ASIC2: variants seen among roughly 807,000 people sequenced by gnomAD.
ASIC2 encodes the protein acid sensing ion channel subunit 2.
Under a neutral mutation model 57.3 loss-of-function variants are expected in ASIC2, and 25 were observed. That is an observed-to-expected ratio of 0.44 (90% CI 0.32 to 0.61). ASIC2 has a LOEUF of 0.61. ASIC2 is among the 20% of genes least tolerant of loss of function. ASIC2 has a pLI of 0.06. For synonymous variants in ASIC2, 319 were observed against 307.5 expected (o/e 1.04, Z -0.39); for missense variants, 641 against 738.1 (o/e 0.87, Z 1.52).
intron 1 of ASIC2, among the ~76,000 whole-genome samples, chr17:33,960,414 C>T (rs926433761): frequency 2.0e-5 from 3 of 152,188 alleles, no homozygotes; most frequent in Non-Finnish European, 4.4e-5. Context: ...AGAATCCTGA[C>T]TAATGTACAT....
chr17:33,317,393 A>G (rs1330485679), intron 1 of ASIC2, among the ~76,000 whole-genome samples: 1 of 152,194 alleles, frequency 6.6e-6, no homozygotes, highest in Non-Finnish European at 1.5e-5. Context: ...CTCCTGTGCC[A>G]TTCTTCATTG....
chr17:33,422,516 C>G (rs144452565), intron 1 of ASIC2, among the ~76,000 whole-genome samples: 25 of 152,160 alleles, frequency 1.6e-4, no homozygotes, highest in East Asian at 5.8e-4. Context: ...GCAATGCCAT[C>G]GTAGAGTGAG....
At chr17:33,691,507 T>C (rs2142063898) in intron 1 of ASIC2, among the ~76,000 whole-genome samples, 1 of 152,372 alleles carries the variant, frequency 6.6e-6, no homozygotes, top group East Asian at 1.9e-4. Flanking sequence ...GTAAGAACTA[T>C]CTATATTTTC....
At chr17:33,045,005 A>T (rs879712932) in intron 3 of ASIC2, among the ~76,000 whole-genome samples, 4 of 152,114 alleles carry the variant, frequency 2.6e-5, no homozygotes, top group African/African-American at 4.8e-5. Flanking sequence ...ACAGAGGTAT[A>T]AAGAGGTATA....
intron 1 of ASIC2, among the ~76,000 whole-genome samples, chr17:33,338,585 G>A (rs1437128451): frequency 6.6e-6 from 1 of 152,198 alleles, no homozygotes; most frequent in Non-Finnish European, 1.5e-5. Context: ...TGGCTACAGC[G>A]TGCATTCTCA....
intron 2 of ASIC2, among the ~76,000 whole-genome samples, chr17:33,107,787 C>G (rs2092241187): frequency 6.6e-6 from 1 of 152,186 alleles, no homozygotes; most frequent in African/African-American, 2.4e-5. Flanking sequence ...CCCAAAAGGT[C>G]CTTCCTGTTA....
At chr17:33,884,020 A>G (rs934211709) in intron 1 of ASIC2, among the ~76,000 whole-genome samples, 1 of 152,156 alleles carries the variant, frequency 6.6e-6, no homozygotes, top group Non-Finnish European at 1.5e-5. Context: ...TAGCCACGAG[A>G]CTATATAGAA....
chr17:33,705,570 G>A (rs1035308717), intron 1 of ASIC2, among the ~76,000 whole-genome samples: 4 of 152,180 alleles, frequency 2.6e-5, no homozygotes, highest in East Asian at 1.9e-4. Context: ...AAGGCCATAC[G>A]ATGATGGAGT....
chr17:33,747,841 G>C (rs1365977511), intron 1 of ASIC2, among the ~76,000 whole-genome samples: 1 of 152,186 alleles, frequency 6.6e-6, no homozygotes, highest in African/African-American at 2.4e-5. Flanking sequence ...TCTGATGCCT[G>C]CCTCTGACAG....
intron 1 of ASIC2, among the ~76,000 whole-genome samples, chr17:33,524,852 T>A (rs999332328): frequency 1.3e-5 from 2 of 152,078 alleles, no homozygotes; most frequent in African/African-American, 4.8e-5. Context: ...AGACTACAGG[T>A]GCACATTACA....
intron 1 of ASIC2, among the ~76,000 whole-genome samples, chr17:34,079,371 T>C (rs745704011): frequency 1.3e-5 from 2 of 152,202 alleles, no homozygotes; most frequent in Non-Finnish European, 2.9e-5. Context: ...TTGGGGACTT[T>C]GTCCATGCTG....
rs1036301768 is a variant in ASIC2 at position 34,038,154 on chromosome 17, C to A, written c.555+117824G>T. ...GTACCATTTTCTAAAAGAATATTAC[C>A]TGGTTTGAGGTCATAGTGTATGATG... is the stretch of plus-strand genomic sequence containing the variant. On this transcript the variant is annotated intron_variant, in intron 1 of 9. Transcript: ENST00000359872. The A allele has an allele frequency of 1.1e-5, 17 of 1,612,680 alleles. No homozygotes were observed. In the Admixed American group the frequency reaches 2.3e-4, roughly 22 times the overall value.
intron 1 of ASIC2, among the ~76,000 whole-genome samples, chr17:33,712,727 G>A (rs940108127): frequency 7.5e-6 from 1 of 134,046 alleles, no homozygotes; most frequent in Non-Finnish European, 1.5e-5. Context: ...CTCACTGCAA[G>A]CTCCGCCTCC....
chr17:33,782,727 C>T (rs1473010019), intron 1 of ASIC2, among the ~76,000 whole-genome samples: 1 of 152,182 alleles, frequency 6.6e-6, no homozygotes, highest in Non-Finnish European at 1.5e-5. Context: ...GGCCCTGCCA[C>T]TCCCACTACT....
chr17:33,739,968 G>GAAGA (rs1017577592), intron 1 of ASIC2, among the ~76,000 whole-genome samples: 2 of 60,588 alleles, frequency 3.3e-5, no homozygotes, highest in Non-Finnish European at 1.1e-4. Context: ...AGAAAGAAAA[G>GAAGA]AAGAAAGAAA....
At position 33,761,111 on chromosome 17, in the gene ASIC2, G is replaced by A. The variant is rs568048206; in HGVS notation, c.555+394867C>T. 3.3e-5 allele frequency among the ~76,000 whole-genome samples: 5 copies of A among 152,256 alleles called. No homozygotes were observed. In the South Asian group the frequency reaches 1.0e-3, roughly 32 times the overall value. ...TCTAAATCCAAAGGCAGCAGCTCAT[G>A]ACACTTTAGCTTTCTTTTTCTTTCT... On this transcript the variant is annotated intron_variant, in intron 1 of 9. Coordinates refer to the ASIC2 transcript ENST00000359872.
At chr17:33,299,715 C>G (rs1555595150) in intron 1 of ASIC2, among the ~76,000 whole-genome samples, 1 of 152,032 alleles carries the variant, frequency 6.6e-6, no homozygotes, top group Non-Finnish European at 1.5e-5. Flanking sequence ...AAGAAGGGGC[C>G]ATGACCACCA....
chr17:33,578,970 G>A (rs371055347), intron 1 of ASIC2, among the ~76,000 whole-genome samples: 1 of 152,156 alleles, frequency 6.6e-6, no homozygotes, highest in Admixed American at 6.5e-5. Flanking sequence ...GTCCTAGGGA[G>A]CACCTTGGAA....
chr17:33,527,336 A>G (rs979522005), intron 1 of ASIC2, among the ~76,000 whole-genome samples: 1 of 152,070 alleles, frequency 6.6e-6, no homozygotes, highest in Non-Finnish European at 1.5e-5. Context: ...TCCACACTGG[A>G]CTCTCAGAAG....
Sources: gnomAD v4.1 joint callset for allele counts (sites outside exome capture counted in the v4.1 genomes callset) on GRCh38, gnomAD v4.1.1 for gene constraint, MANE v1.5 for transcripts, NCBI Gene and HGNC (gene_info 2026-07-23, HGNC 2026-07-21) for gene names.